Variants in RANBP17 observed in about 807,000 individuals in gnomAD.
RANBP17 encodes ran-binding protein 17.
A neutral mutation model predicts 141.2 loss-of-function variants in RANBP17; 158 were observed. The observed-to-expected ratio is 1.12, with a 90% CI of 0.98 to 1.28. The LOEUF (loss-of-function observed/expected upper bound fraction) is 1.28. Among genes scored for constraint, RANBP17 ranks in the 50% most tolerant of loss-of-function variants. The probability of loss-of-function intolerance (pLI) is 0.00; values close to 1 mark genes in which losing one functional copy is unlikely to be tolerated. For synonymous variants in RANBP17, 430 were observed against 450.0 expected (o/e 0.96, Z 0.56); for missense variants, 1,438 against 1,290.7 (o/e 1.11, Z -1.75).
At chr5:170,895,322 G>A (rs1309086200) in intron 4 of RANBP17, among the ~76,000 whole-genome samples, 1 of 152,148 alleles carries the variant, frequency 6.6e-6, no homozygotes, top group African/African-American at 2.4e-5. Flanking sequence ...ATTGGATGCT[G>A]CATTTATGAT....
At chr5:171,002,056 T>C (rs1012405604) in intron 14 of RANBP17, among the ~76,000 whole-genome samples, 3 of 152,090 alleles carry the variant, frequency 2.0e-5, no homozygotes, top group African/African-American at 4.8e-5. Context: ...AGTAGTAGAA[T>C]AGCAGATGGA....
intron 14 of RANBP17, among the ~76,000 whole-genome samples, chr5:171,097,821 G>A (rs2127738319): frequency 6.6e-6 from 1 of 151,780 alleles, no homozygotes; most frequent in South Asian, 2.1e-4. Flanking sequence ...AGTGTGTGAT[G>A]TTCCCCTCCC....
chr5:171,061,057 T>C (rs764571031), intron 14 of RANBP17, among the ~76,000 whole-genome samples: 2,509 of 152,114 alleles, frequency 0.016, 30 homozygotes, highest in Middle Eastern at 0.031. Context: ...TCTCTTTTTT[T>C]CTTCATTAGT....
At chr5:171,227,917 C>T (rs953099983) in intron 22 of RANBP17, among the ~76,000 whole-genome samples, 1 of 152,174 alleles carries the variant, frequency 6.6e-6, no homozygotes, top group African/African-American at 2.4e-5. Flanking sequence ...TTTAAGCCCA[C>T]TGTTGAAGCC....
At chr5:171,088,457 C>T (rs1221416160) in intron 14 of RANBP17, among the ~76,000 whole-genome samples, 3 of 152,078 alleles carry the variant, frequency 2.0e-5, no homozygotes, top group African/African-American at 4.8e-5. Flanking sequence ...TTGCTCTTCT[C>T]GAGGAGTATC....
chr5:171,213,524 A>G, intron 20 of RANBP17, 107 bp from the exon 21 acceptor site: 1 of 777,148 alleles, frequency 1.3e-6, no homozygotes, highest in Non-Finnish European at 2.2e-6. Flanking sequence ...TAGTATAAAT[A>G]TAGAACAAAT....
intron 25 of RANBP17, 51 bp from the exon 26 acceptor site, chr5:171,293,832 G>T: frequency 1.5e-6 from 2 of 1,353,592 alleles, no homozygotes; most frequent in South Asian, 1.2e-5. Context: ...CTGGGATTAG[G>T]GGGAACTCTG....
intron 14 of RANBP17, among the ~76,000 whole-genome samples, chr5:171,120,760 CATGTT>C (rs1755976905): frequency 6.6e-6 from 1 of 152,126 alleles, no homozygotes; most frequent in African/African-American, 2.4e-5. Flanking sequence ...TTCCTTTAGA[CATGTT>C]ATGTTTCCTT....
chr5:170,938,383 A>T (rs1774058474), intron 12 of RANBP17, among the ~76,000 whole-genome samples: 1 of 152,232 alleles, frequency 6.6e-6, no homozygotes, highest in Admixed American at 6.5e-5. Context: ...GATTAAGTTA[A>T]ACAAGTGTTC....
At position 170,934,718 on chromosome 5, in the gene RANBP17, C is replaced by T. The variant is rs187691755; in HGVS notation, c.1468+10168C>T. On this transcript the variant is annotated intron_variant, in intron 12 of 27. Transcript: ENST00000523189. ...TCCCTTTGTGGGTAACCCGACCTTT[C>T]TCTCTAGCTGCCCTTAACATTTTTT... Among the ~76,000 whole-genome samples the T allele has an allele frequency of 3.7e-3, 562 of 152,326 alleles. 3 individuals are homozygous for T. The highest frequency in any genetic ancestry group is 0.024 in the South Asian group (116 of 4,832).
At chr5:171,296,613 T>C (rs1439572312) in intron 27 of RANBP17, among the ~76,000 whole-genome samples, 1 of 152,186 alleles carries the variant, frequency 6.6e-6, no homozygotes, top group East Asian at 1.9e-4. Context: ...ATATTATGTA[T>C]CAATTAAAAA....
intron 20 of RANBP17, among the ~76,000 whole-genome samples, chr5:171,209,686 T>C (rs888575759): frequency 2.0e-5 from 3 of 152,178 alleles, no homozygotes; most frequent in Admixed American, 1.3e-4. Flanking sequence ...TTGCAAGATA[T>C]AGAAAGCTTC....
At chr5:171,052,831 G>C (rs143202126) in intron 14 of RANBP17, among the ~76,000 whole-genome samples, 63 of 152,212 alleles carry the variant, frequency 4.1e-4, no homozygotes, top group Non-Finnish European at 7.8e-4. Flanking sequence ...ATAATATTAA[G>C]TCTTCTAACC....
intron 14 of RANBP17, among the ~76,000 whole-genome samples, chr5:171,113,321 A>G (rs1014008990): frequency 6.6e-6 from 1 of 152,110 alleles, no homozygotes; most frequent in Non-Finnish European, 1.5e-5. Flanking sequence ...GAAAAATTAT[A>G]TTACTCTTGG....
At chr5:170,893,768 G>C (rs1227950612) in intron 4 of RANBP17, among the ~76,000 whole-genome samples, 12 of 151,442 alleles carry the variant, frequency 7.9e-5, no homozygotes, top group Admixed American at 7.9e-4. Context: ...ACTCCAGCCT[G>C]GGCAACAGAG....
intron 19 of RANBP17, among the ~76,000 whole-genome samples, chr5:171,202,317 A>G (rs1322972194): frequency 1.3e-5 from 2 of 152,162 alleles, no homozygotes; most frequent in Non-Finnish European, 2.9e-5. Context: ...AATTATGTCC[A>G]TGGTAAAATA....
At position 171,044,666 on chromosome 5, in the gene RANBP17, C is replaced by T. The variant is rs1284806899; in HGVS notation, c.1710+76289C>T. Among the ~76,000 whole-genome samples, 4 of 151,956 alleles carry T rather than the reference C, an allele frequency of 2.6e-5. 1 individual carries two copies. The highest frequency in any genetic ancestry group is 2.6e-4 in the Admixed American group (4 of 15,256). On this transcript the variant is annotated intron_variant, in intron 14 of 27. Coordinates refer to ENST00000523189, the MANE Select transcript of RANBP17 (RefSeq NM_022897.5). The stretch of plus-strand genomic sequence containing the variant: ...TAAATTGTTGATAATATGATCTGCT[C>T]GTTAAACAATAGTGTCTGGAGAAAA...
chr5:171,240,716 A>G (rs1351328000), intron 22 of RANBP17, among the ~76,000 whole-genome samples: 1 of 152,184 alleles, frequency 6.6e-6, no homozygotes, highest in African/African-American at 2.4e-5. Context: ...TTTCCAATAT[A>G]AGGATATTGA....
At chr5:171,129,473 C>T (rs974099865) in intron 14 of RANBP17, among the ~76,000 whole-genome samples, 3 of 152,148 alleles carry the variant, frequency 2.0e-5, no homozygotes, top group African/African-American at 7.2e-5. Context: ...TGCCACCACT[C>T]GCTTCAATCT....
Sources: allele counts gnomAD v4.1 joint callset (sites outside exome capture counted in the v4.1 genomes callset), GRCh38; gene constraint gnomAD v4.1.1; transcripts MANE v1.5; gene names NCBI Gene and HGNC (gene_info 2026-07-23, HGNC 2026-07-21).